Variants in TLR3 observed in about 807,000 individuals in gnomAD.
The protein encoded by TLR3 is toll like receptor 3.
Under a neutral mutation model 66.4 loss-of-function variants are expected in TLR3, and 43 were observed. That is an observed-to-expected ratio of 0.65 (90% confidence interval 0.51 to 0.83). The LOEUF (loss-of-function observed/expected upper bound fraction) is 0.83, where lower values mean the gene tolerates loss of function less well. Among genes scored for constraint, TLR3 ranks in the 40% least tolerant of loss-of-function variants. The pLI is 0.00. For synonymous variants in TLR3, 397 were observed against 397.2 expected (o/e 1.00, Z 0.01); for missense variants, 982 against 1,044.6 (o/e 0.94, Z 0.83).
In TLR3 at chr4:186,078,891, G is replaced by C; in HGVS notation, c.493G>C (p.Gly165Arg). Residue 165 changes from glycine (G) to arginine (R), a missense_variant, in exon 3 of 5, where the codon GGA (glycine) becomes CGA (arginine). Gly to Arg is a moderately radical substitution (Grantham distance 125). Around this residue, in one of 3 missense-constraint regions of TLR3, gnomAD observed 313 missense variants for 319.0 expected, o/e 0.98. Transcript: ENST00000296795. ...SHNGLSSTKL[G>R]TQVQLENLQE... ...TAATGGCTTGTCATCTACAAAATTA[G>C]GAACTCAGGTTCAGCTGGAAAATCT... 3 of 1,613,850 alleles carry C rather than the reference G, an allele frequency of 1.9e-6. No homozygotes were observed. Among genetic ancestry groups the C allele is most frequent in the Non-Finnish European group, 2.5e-6 (3 of 1,179,968 alleles).
rs763936235 is a variant in TLR3, at chr4:186,083,712, C to T, written c.2026C>T (p.Leu676Phe). Residue 676 changes from leucine to phenylalanine, a missense_variant, in exon 4 of 5, where the codon CTT becomes TTT. This residue lies in a region of TLR3 where 666 missense variants were observed against 709.0 expected (regional missense o/e 0.94). Transcript: ENST00000296795. This position sits in a 1 kb window ranked among gnomAD's most constrained non-coding sequence, Gnocchi z 4.0. Reference protein sequence around the residue: ...TNIPELSSHYLCNTPPHYHGF... With the variant: ...TNIPELSSHYFCNTPPHYHGF... ...CATCCCTGAGCTGTCAAGCCACTACCTTTGCAACACTCCACCTCACTATCA... is the reference window on the plus strand; with the variant it reads ...CATCCCTGAGCTGTCAAGCCACTACTTTTGCAACACTCCACCTCACTATCA... 4.4e-6 allele frequency: 7 copies of T among 1,607,724 alleles called. No homozygotes were observed. The highest frequency in any genetic ancestry group is 5.1e-6 in the Non-Finnish European group (6 of 1,176,694).
chr4:186,076,219 A>G (rs2099302425), intron 1 of TLR3, among the ~76,000 whole-genome samples: 1 of 152,216 alleles, frequency 6.6e-6, no homozygotes, highest in South Asian at 2.1e-4. Context: ...AAAGTTGTGA[A>G]TAGAATGAGA....
At chr4:186,072,268 G>A (rs560905435) in intron 1 of TLR3, among the ~76,000 whole-genome samples, 1 of 152,344 alleles carries the variant, frequency 6.6e-6, no homozygotes, top group South Asian at 2.1e-4. Context: ...GGAGCAGGAA[G>A]AAGAGAGAAG....
rs751421740 is a variant in TLR3, at chr4:186,083,353, A to C, written c.1667A>C (p.Tyr556Ser). 17 of 1,614,032 alleles carry C rather than the reference A, an allele frequency of 1.1e-5. No homozygotes were observed. Among genetic ancestry groups the C allele is most frequent in the Non-Finnish European group, 1.4e-5 (17 of 1,180,032 alleles). ...CACGCAAACCCTGGTGGTCCCATTT[A>C]TTTCCTAAAGGGTCTGTCTCACCTC... ...WKHANPGGPIYFLKGLSHLHI... is the reference protein window; with the variant it reads ...WKHANPGGPISFLKGLSHLHI... Residue 556 changes from tyrosine to serine, a missense_variant, in exon 4 of 5, where the codon TAT becomes TCT. Around this residue, in one of 3 missense-constraint regions of TLR3, gnomAD observed 666 missense variants for 709.0 expected, o/e 0.94. Transcript: ENST00000296795. The surrounding 1 kb of genome is among the most constrained non-coding windows in gnomAD (Gnocchi z 4.0).
At chr4:186,070,572 G>A (rs1253997639) in intron 1 of TLR3, among the ~76,000 whole-genome samples, 2 of 152,214 alleles carry the variant, frequency 1.3e-5, no homozygotes, top group African/African-American at 4.8e-5. Flanking sequence ...AATTTTGGTG[G>A]AGATGAGGTT....
At chr4:186,075,789 T>C (rs2099302344) in intron 1 of TLR3, among the ~76,000 whole-genome samples, 2 of 152,156 alleles carry the variant, frequency 1.3e-5, no homozygotes, top group South Asian at 4.1e-4. Flanking sequence ...AGCAATGTTA[T>C]AGCTGACAGT....
intron 2 of TLR3, among the ~76,000 whole-genome samples, chr4:186,077,452 T>C (rs981512945): frequency 1.3e-5 from 2 of 152,328 alleles, no homozygotes; most frequent in East Asian, 3.9e-4. Context: ...ATTGATACAA[T>C]GATCAAGTGA....
chr4:186,074,337 G>A lies in TLR3; in HGVS notation c.-7-2276G>A, dbSNP rs1351333681. Among the ~76,000 whole-genome samples the A allele has an allele frequency of 2.6e-5, 4 of 152,220 alleles. No individual in the cohort carries two copies. In the East Asian group the frequency reaches 5.8e-4, roughly 22 times the overall value. Reference sequence around the variant, plus strand: ...GCCCAGCCTGCAAAACCAGACAGCCGGCGTGTGACTGCACTGAATACTGGA... The same window carrying A: ...GCCCAGCCTGCAAAACCAGACAGCCAGCGTGTGACTGCACTGAATACTGGA... On this transcript the variant is annotated intron_variant, in intron 1 of 4. Transcript: ENST00000296795.
chr4:186,077,203 T>C, intron 2 of TLR3, 143 bp downstream of exon 2: 4 of 886,856 alleles, frequency 4.5e-6, no homozygotes, highest in African/African-American at 3.4e-5. Flanking sequence ...TAATAGAAAA[T>C]GCTTCCAAAA....
Position 186,076,971 on chromosome 4 carries a change from AC to A in TLR3, c.354del (p.Phe119LeufsTer7). 1.2e-6 allele frequency: 2 copies of A among 1,614,096 alleles called. No homozygotes were observed. The highest frequency in any genetic ancestry group is 1.7e-6 in the Non-Finnish European group (2 of 1,180,020). On this transcript the variant is annotated frameshift_variant, in exon 2 of 5. Coordinates refer to ENST00000296795, the MANE Select transcript of TLR3 (RefSeq NM_003265.3). LOFTEE classifies it high-confidence loss of function. ...HNELSQLSDK[T>X]FAFCTNLTEL... is the part of the protein sequence containing the mutation. The stretch of plus-strand genomic sequence containing the variant: ...TGAGCTATCTCAACTTTCTGATAAA[AC>A]CTTTGCCTTCTGCACGAATTTGACT...
chr4:186,079,917 G>A (rs2099303140), intron 3 of TLR3, among the ~76,000 whole-genome samples: 2 of 152,216 alleles, frequency 1.3e-5, no homozygotes, highest in South Asian at 2.1e-4. Flanking sequence ...GAGCTGCACT[G>A]ACAGCGCCCA....
chr4:186,076,484 T>A (rs1183841443), intron 1 of TLR3, 129 bp from the exon 2 acceptor site: 12 of 907,206 alleles, frequency 1.3e-5, no homozygotes, highest in Admixed American at 5.9e-5. Context: ...TTGTATGGCA[T>A]AAAACTATGA....
Position 186,079,511 on chromosome 4 carries a change from C to A in TLR3, c.633+480C>A, listed in dbSNP as rs181440021. On this transcript the variant is annotated intron_variant, in intron 3 of 4. Coordinates refer to ENST00000296795, the MANE Select transcript of TLR3 (RefSeq NM_003265.3). ...AGCTTTCAAATGGGCGTGATAATGA[C>A]TCTGCTTCATAGGACTGTGTGGTAA... Among the ~76,000 whole-genome samples, 154 of 152,302 alleles carry A rather than the reference C, an allele frequency of 1.0e-3. 2 individuals are homozygous for A. Among genetic ancestry groups the A allele is most frequent in the Non-Finnish European group, 1.2e-4 (8 of 68,042 alleles).
chr4:186,075,451 A>C (rs979773989), intron 1 of TLR3, among the ~76,000 whole-genome samples: 1 of 151,998 alleles, frequency 6.6e-6, no homozygotes, highest in African/African-American at 2.4e-5. Context: ...GCAAGACCCT[A>C]TCTCTCTATA....
chr4:186,082,845 T>A lies in TLR3; in HGVS notation c.1159T>A (p.Ser387Thr). 1 of 1,613,810 alleles carries A rather than the reference T, an allele frequency of 6.2e-7. No homozygotes were observed. The highest frequency in any genetic ancestry group is 8.5e-7 in the Non-Finnish European group (1 of 1,179,776). Residue 387 changes from serine to threonine, a missense_variant, in exon 4 of 5, where the codon TCC (serine) becomes ACC (threonine). Coordinates refer to ENST00000296795, the MANE Select transcript of TLR3 (RefSeq NM_003265.3). ...GATAAACCTGAAATACTTAAGTCTA[T>A]CCAACTCCTTTACAAGTTTGCGAAC... ...GLINLKYLSL[S>T]NSFTSLRTLT...
intron 3 of TLR3, among the ~76,000 whole-genome samples, chr4:186,079,976 A>G (rs568434799): frequency 6.6e-6 from 1 of 152,280 alleles, no homozygotes; most frequent in African/African-American, 2.4e-5. Context: ...TGGGCACAGG[A>G]AGATTGTCAG....
chr4:186,082,251 A>C, intron 3 of TLR3, 69 bp from the exon 4 acceptor site: 2 of 852,254 alleles, frequency 2.3e-6, no homozygotes, highest in East Asian at 5.3e-5. Flanking sequence ...AAAAAAAAAA[A>C]GGCTTTCAAC....
At chr4:186,078,740 T>C in intron 2 of TLR3, 100 bp from the exon 3 acceptor site, 1 of 931,110 alleles carries the variant, frequency 1.1e-6, no homozygotes, top group Non-Finnish European at 1.7e-6. Context: ...TAGAGAGGTG[T>C]TGATTTTGCT....
In TLR3 at chr4:186,088,048, T is replaced by G. The variant is rs1399864536; in HGVS notation, c.*3175T>G. 6.6e-6 allele frequency: 1 copy of G among 152,232 alleles called. No individual in the cohort carries two copies. The highest frequency in any genetic ancestry group is 1.9e-4 in the East Asian group (1 of 5,196). The allele number at this position is 152,232 out of a possible 1,614,324, so 9.4% of individuals were successfully genotyped here. ...GTAAATTATATATTCACAAAGCCAT[T>G]AAAAATTGTATTTTTTGAGCAGCTA... On this transcript the variant is annotated 3_prime_UTR_variant, in exon 5 of 5. Transcript: ENST00000296795.
Sources: gnomAD v4.1 joint callset for allele counts (sites outside exome capture counted in the v4.1 genomes callset) on GRCh38, gnomAD v4.1.1 for gene constraint, gnomAD v4.1.1 regional missense constraint, Gnocchi (gnomAD v3.1) non-coding constraint, MANE v1.5 for transcripts, NCBI Gene and HGNC (gene_info 2026-07-23, HGNC 2026-07-21) for gene names.